DOK6: variants seen among roughly 807,000 people sequenced by gnomAD.
The protein encoded by DOK6 is downstream of tyrosine kinase 6.
DOK6 carries 22 observed loss-of-function variants against 44.0 expected under a neutral mutation model. The observed-to-expected ratio is 0.50, with a 90% CI of 0.36 to 0.71. DOK6 has a LOEUF of 0.71. Ranked by LOEUF, DOK6 falls within the 30% of genes least tolerant of loss-of-function variation. The pLI is 0.00. For synonymous variants in DOK6, 166 were observed against 145.5 expected, an observed-to-expected ratio of 1.14 and a Z score of -1.01; for missense variants, 340 against 416.4, an observed-to-expected ratio of 0.82 and a Z score of 1.60.
chr18:69,766,464 T>C (rs1345304400), intron 7 of DOK6, among the ~76,000 whole-genome samples: 1 of 152,196 alleles, frequency 6.6e-6, no homozygotes, highest in East Asian at 1.9e-4. Context: ...ACTTAACTAC[T>C]AGTAGTCTGC....
intron 1 of DOK6, among the ~76,000 whole-genome samples, chr18:69,490,172 A>C (rs1980695871): frequency 6.6e-6 from 1 of 152,182 alleles, no homozygotes; most frequent in Non-Finnish European, 1.5e-5. Context: ...TTCTTGCTGT[A>C]ATGGGTGAAT....
chr18:69,784,137 A>C (rs1980360804), intron 7 of DOK6, among the ~76,000 whole-genome samples: 1 of 152,204 alleles, frequency 6.6e-6, no homozygotes, highest in Non-Finnish European at 1.5e-5. Flanking sequence ...GTGAATTGTC[A>C]TTATGCCACT....
chr18:69,724,138 T>C (rs1459730400), intron 5 of DOK6, among the ~76,000 whole-genome samples: 1 of 152,224 alleles, frequency 6.6e-6, no homozygotes, highest in Non-Finnish European at 1.5e-5. Flanking sequence ...AGATTATCAT[T>C]GGGAACTGAA....
At chr18:69,501,984 T>C (rs1981061931) in intron 1 of DOK6, among the ~76,000 whole-genome samples, 3 of 152,108 alleles carry the variant, frequency 2.0e-5, no homozygotes, top group African/African-American at 7.2e-5. Flanking sequence ...TGGAATAATA[T>C]TTCTTCCTTA....
At chr18:69,828,790 A>G (rs1981813913) in intron 7 of DOK6, among the ~76,000 whole-genome samples, 1 of 148,938 alleles carries the variant, frequency 6.7e-6, no homozygotes. Context: ...TAAAGATATA[A>G]GTAAAGAATA....
intron 2 of DOK6, among the ~76,000 whole-genome samples, chr18:69,588,710 G>T (rs145612942): frequency 8.5e-5 from 13 of 152,116 alleles, no homozygotes. Context: ...TCAGGTTCTG[G>T]TAAGAGTGAA....
intron 5 of DOK6, among the ~76,000 whole-genome samples, chr18:69,737,062 C>CA (rs1978634464): frequency 1.3e-5 from 2 of 152,138 alleles, no homozygotes; most frequent in Admixed American, 6.6e-5. Context: ...GGCTTGTTAC[C>CA]ACAAGACTGT....
At chr18:69,715,767 C>T (rs547284567) in intron 5 of DOK6, among the ~76,000 whole-genome samples, 10 of 152,300 alleles carry the variant, frequency 6.6e-5, no homozygotes, top group South Asian at 4.1e-4. Flanking sequence ...GTCTTGTTGG[C>T]GTTGAAAGTC....
intron 5 of DOK6, among the ~76,000 whole-genome samples, chr18:69,712,670 C>A (rs1006524087): frequency 1.3e-5 from 2 of 152,036 alleles, no homozygotes; most frequent in African/African-American, 4.8e-5. Flanking sequence ...CATGGCGAAA[C>A]CCCCCATCTC....
At chr18:69,434,994 A>AGGAAGGAT (rs1978921488) in intron 1 of DOK6, among the ~76,000 whole-genome samples, 1 of 135,008 alleles carries the variant, frequency 7.4e-6, no homozygotes, top group East Asian at 2.4e-4. Flanking sequence ...GAAGGAAGGA[A>AGGAAGGAT]GGAAGGAAGA....
rs112048194 is a variant in DOK6 at position 69,421,182 on chromosome 18, C to A, written c.66+19872C>A. ...GCAGTATGATTCTGAAATGTCTTTT[C>A]TTCCATCTCATTGATGTTGGTTTTG... On this transcript the variant is annotated intron_variant, in intron 1 of 7. Coordinates refer to ENST00000382713, the MANE Select transcript of DOK6 (RefSeq NM_152721.6). Among the ~76,000 whole-genome samples, 163 of 152,278 alleles carry A rather than the reference C, an allele frequency of 1.1e-3. 1 individual carries two copies. Among genetic ancestry groups the A allele is most frequent in the African/African-American group, 3.7e-3 (153 of 41,580 alleles).
At position 69,696,009 on chromosome 18, in the gene DOK6, C is replaced by A. The variant is rs981298410; in HGVS notation, c.410-2395C>A. Reference sequence around the variant, plus strand: ...CTAGAGATGGCCCTGGAAAAACTCCCTTAGGGCAAGTTGTCCAGTTGCTTT... The same window carrying A: ...CTAGAGATGGCCCTGGAAAAACTCCATTAGGGCAAGTTGTCCAGTTGCTTT... On this transcript the variant is annotated intron_variant, in intron 4 of 7. Coordinates refer to ENST00000382713, the MANE Select transcript of DOK6 (RefSeq NM_152721.6). 5.0e-4 allele frequency among the ~76,000 whole-genome samples: 76 copies of A among 152,086 alleles called. 1 individual carries two copies. The highest frequency in any genetic ancestry group is 4.1e-3 in the Admixed American group (62 of 15,278).
At chr18:69,792,964 T>C (rs755635580) in intron 7 of DOK6, among the ~76,000 whole-genome samples, 1 of 152,134 alleles carries the variant, frequency 6.6e-6, no homozygotes. Context: ...AAATGAAGAA[T>C]AACTTAGTGA....
intron 3 of DOK6, chr18:69,662,048 C>T (rs1020139028): frequency 2.0e-5 from 3 of 152,212 alleles, no homozygotes; most frequent in Non-Finnish European, 2.9e-5. Context: ...ATGCAGATCT[C>T]GGCTCACTGC....
At chr18:69,513,656 A>G (rs1244991417) in intron 1 of DOK6, among the ~76,000 whole-genome samples, 1 of 152,192 alleles carries the variant, frequency 6.6e-6, no homozygotes, top group East Asian at 1.9e-4. Context: ...ATTTTTGGAT[A>G]ATTGTGCATT....
At chr18:69,702,784 G>GA (rs1418353096) in intron 5 of DOK6, among the ~76,000 whole-genome samples, 2 of 152,226 alleles carry the variant, frequency 1.3e-5, no homozygotes, top group East Asian at 3.9e-4. Context: ...TTATCTTCTT[G>GA]ATTCCAGAAA....
At position 69,485,899 on chromosome 18, in the gene DOK6, G is replaced by GTA. The variant is rs1350575830; in HGVS notation, c.67-78587_67-78586insAT. Reference sequence around the variant, plus strand: ...CGTATATATGTGTGTGTGTGTGTGTGTGTGTGTATATGTATATCTCCCAGT... The same window carrying GTA: ...CGTATATATGTGTGTGTGTGTGTGTGTATGTGTGTATATGTATATCTCCCAGT... On this transcript the variant is annotated intron_variant, in intron 1 of 7. Coordinates refer to ENST00000382713, the MANE Select transcript of DOK6 (RefSeq NM_152721.6). 1.3e-5 allele frequency among the ~76,000 whole-genome samples: 2 copies of GTA among 151,484 alleles called. 1 individual carries two copies. The highest frequency in any genetic ancestry group is 2.9e-5 in the Non-Finnish European group (2 of 67,894).
intron 5 of DOK6, among the ~76,000 whole-genome samples, chr18:69,705,927 A>G (rs1420599158): frequency 6.6e-6 from 1 of 152,174 alleles, no homozygotes; most frequent in Admixed American, 6.5e-5. Flanking sequence ...TTAAAAAAAA[A>G]AAAAACACTC....
Position 69,791,571 on chromosome 18 carries a change from C to T in DOK6, c.856+33698C>T, listed in dbSNP as rs117001497. Among the ~76,000 whole-genome samples, 97 of 152,210 alleles carry T rather than the reference C, an allele frequency of 6.4e-4. 1 individual carries two copies. The East Asian group carries it at 7.7e-3, about 12-fold the overall frequency. ...TGTCTTCTTTCGAGAAATGTCTATC[C>T]GGATCTTTTGCCCATTTTAAAATCA... On this transcript the variant is annotated intron_variant, in intron 7 of 7. Coordinates refer to ENST00000382713, the MANE Select transcript of DOK6 (RefSeq NM_152721.6).
Sources: gnomAD v4.1 joint callset for allele counts (sites outside exome capture counted in the v4.1 genomes callset) on GRCh38, gnomAD v4.1.1 for gene constraint, MANE v1.5 for transcripts, NCBI Gene and HGNC (gene_info 2026-07-23, HGNC 2026-07-21) for gene names.